The following CSMD1 variants were observed in gnomAD, a reference collection of about 807,000 sequenced individuals.
CSMD1 encodes CUB and sushi domain-containing protein 1.
In CSMD1, 213 loss-of-function variants were observed where a neutral mutation model predicts 417.5. The observed-to-expected ratio is 0.51, with a 90% CI of 0.46 to 0.57. The LOEUF (loss-of-function observed/expected upper bound fraction) is 0.57, where lower values mean the gene tolerates loss of function less well. Ranked by LOEUF, CSMD1 falls within the 20% of genes least tolerant of loss-of-function variation. The pLI, the probability that CSMD1 is intolerant of heterozygous loss-of-function variation, is 0.00. For missense variants in CSMD1, 6,923 were observed against 4,529.7 expected, an observed-to-expected ratio of 1.53 and a Z score of -15.17; for synonymous variants, 2,862 against 1,736.8, an observed-to-expected ratio of 1.65 and a Z score of -16.11.
chr8:4,961,391 T>C (rs1294011879), intron 1 of CSMD1, among the ~76,000 whole-genome samples: 1 of 152,164 alleles, frequency 6.6e-6, no homozygotes, highest in Non-Finnish European at 1.5e-5. Context: ...GTAGAATGTT[T>C]GTCTCAACTT....
At chr8:3,702,138 T>A (rs1435216382) in intron 7 of CSMD1, 3 of 152,192 alleles carry the variant, frequency 2.0e-5, no homozygotes, top group African/African-American at 7.2e-5. Context: ...TGCATTAGAG[T>A]GCTCAGTTTT....
intron 5 of CSMD1, among the ~76,000 whole-genome samples, chr8:3,942,109 T>A (rs548230730): frequency 2.0e-5 from 3 of 152,002 alleles, no homozygotes; most frequent in Admixed American, 6.6e-5. Context: ...TAATGCCTGA[T>A]GATCTGTCAC....
chr8:4,260,758 C>A (rs368591036), intron 3 of CSMD1, among the ~76,000 whole-genome samples: 1 of 152,224 alleles, frequency 6.6e-6, no homozygotes, highest in South Asian at 2.1e-4. Flanking sequence ...ACAATTTAGG[C>A]TAAGTTATAT....
chr8:3,268,457 T>C (rs1322378316), intron 26 of CSMD1, among the ~76,000 whole-genome samples: 2 of 151,802 alleles, frequency 1.3e-5, no homozygotes, highest in Non-Finnish European at 2.9e-5. Context: ...CCCAGCTGAT[T>C]TTTTTGTATT....
chr8:4,321,257 C>G (rs745688666), intron 3 of CSMD1, among the ~76,000 whole-genome samples: 3 of 152,144 alleles, frequency 2.0e-5, no homozygotes, highest in Non-Finnish European at 4.4e-5. Flanking sequence ...CTGTGGCCCA[C>G]TGATCATCCT....
At chr8:3,220,287 TTC>T (rs1563155387) in intron 28 of CSMD1, among the ~76,000 whole-genome samples, 11 of 152,244 alleles carry the variant, frequency 7.2e-5, no homozygotes, top group African/African-American at 2.6e-4. Flanking sequence ...GTCCCTCTCT[TTC>T]TTTCTCTCAC....
intron 18 of CSMD1, among the ~76,000 whole-genome samples, chr8:3,372,669 G>C (rs1429179466): frequency 6.6e-6 from 1 of 152,182 alleles, no homozygotes; most frequent in African/African-American, 2.4e-5. Flanking sequence ...GAGATCTCAG[G>C]AGAACCAGGT....
rs79256019 is a variant in CSMD1, at chr8:4,872,338, C to T, written c.85+121994G>A. 7.8e-3 allele frequency among the ~76,000 whole-genome samples: 1,181 copies of T among 152,144 alleles called. 5 individuals carry two copies. Among genetic ancestry groups the T allele is most frequent in the Non-Finnish European group, 0.014 (937 of 68,020 alleles). The stretch of plus-strand genomic sequence containing the variant: ...CTTGAATTATAATCCCCATCATCTC[C>T]ACATGTCAAGGAAGAGAACAGGTGG... On this transcript the variant is annotated intron_variant, in intron 1 of 69. Coordinates refer to ENST00000635120, the MANE Select transcript of CSMD1 (RefSeq NM_033225.6).
At chr8:3,869,406 TG>T (rs1174358507) in intron 5 of CSMD1, among the ~76,000 whole-genome samples, 13 of 152,310 alleles carry the variant, frequency 8.5e-5, no homozygotes, top group African/African-American at 3.1e-4. Flanking sequence ...TGACTTATTT[TG>T]TTTACTCCTT....
chr8:4,161,346 C>A (rs1384688803), intron 3 of CSMD1, among the ~76,000 whole-genome samples: 2 of 152,202 alleles, frequency 1.3e-5, no homozygotes, highest in Non-Finnish European at 2.9e-5. Context: ...ATCCCGGTCT[C>A]TTTGACTGTA....
At chr8:4,154,228 A>G (rs1796712628) in intron 3 of CSMD1, among the ~76,000 whole-genome samples, 1 of 152,140 alleles carries the variant, frequency 6.6e-6, no homozygotes, top group African/African-American at 2.4e-5. Flanking sequence ...GGTTAGTGTA[A>G]GCATACAATG....
rs899959958 is a variant in CSMD1 at position 4,295,963 on chromosome 8, T to C, written c.415+123990A>G. On this transcript the variant is annotated intron_variant, in intron 3 of 69. Coordinates refer to ENST00000635120, the MANE Select transcript of CSMD1 (RefSeq NM_033225.6). ...GTCCCAGACTCACTCTGTAGAACAT[T>C]TTCCTGAAAAAAACAAACAAAAACA... 8.6e-5 allele frequency among the ~76,000 whole-genome samples: 13 copies of C among 151,494 alleles called. No individual in the cohort carries two copies. The East Asian group carries it at 2.5e-3, about 29-fold the overall frequency.
At chr8:3,968,055 C>T (rs967298300) in intron 5 of CSMD1, among the ~76,000 whole-genome samples, 1 of 146,978 alleles carries the variant, frequency 6.8e-6, no homozygotes, top group African/African-American at 2.6e-5. Flanking sequence ...GGAGTGGTGG[C>T]GGGCGCCTGT....
intron 2 of CSMD1, among the ~76,000 whole-genome samples, chr8:4,601,341 T>G (rs1800569361): frequency 6.6e-6 from 1 of 152,056 alleles, no homozygotes; most frequent in African/African-American, 2.4e-5. Flanking sequence ...GAGACAGAGG[T>G]GGAGCTGTAC....
intron 5 of CSMD1, among the ~76,000 whole-genome samples, chr8:3,773,117 C>T (rs1798707282): frequency 6.6e-6 from 1 of 152,132 alleles, no homozygotes; most frequent in African/African-American, 2.4e-5. Context: ...GTCCTCACAA[C>T]CTCATCTCTT....
intron 10 of CSMD1, among the ~76,000 whole-genome samples, chr8:3,521,074 A>C (rs10107032): frequency 2.0e-5 from 3 of 151,854 alleles, no homozygotes; most frequent in African/African-American, 7.3e-5. Flanking sequence ...CACAACCTCT[A>C]ATTTTACTGT....
At chr8:3,815,254 T>A (rs920999839) in intron 5 of CSMD1, among the ~76,000 whole-genome samples, 1 of 152,138 alleles carries the variant, frequency 6.6e-6, no homozygotes, top group Non-Finnish European at 1.5e-5. Context: ...TTGGGTAAAG[T>A]GTCTGAGGAT....
chr8:4,550,081 G>C (rs376635743), intron 2 of CSMD1, among the ~76,000 whole-genome samples: 2 of 151,700 alleles, frequency 1.3e-5, no homozygotes, highest in East Asian at 3.9e-4. Flanking sequence ...CCCCATGTTT[G>C]GATAGGCGTG....
chr8:4,165,167 T>A lies in CSMD1; in HGVS notation c.416-133068A>T, dbSNP rs113440857. On this transcript the variant is annotated intron_variant, in intron 3 of 69. Transcript: ENST00000635120. ...TTTCAGCCTCCACTGCTTAATATGA[T>A]ACCTACGCCTAGCCAGTAACTATCA... Among the ~76,000 whole-genome samples the A allele has an allele frequency of 2.0e-5, 3 of 152,260 alleles. No individual in the cohort carries two copies. The East Asian group carries it at 5.8e-4, about 29-fold the overall frequency.
Sources: allele counts gnomAD v4.1 joint callset (sites outside exome capture counted in the v4.1 genomes callset), GRCh38; gene constraint gnomAD v4.1.1; transcripts MANE v1.5; gene names NCBI Gene and HGNC (gene_info 2026-07-23, HGNC 2026-07-21).